PMM2: variants seen among roughly 807,000 people sequenced by gnomAD.
PMM2 encodes the protein mannose-6-phosphate isomerase.
Under a neutral mutation model 33.2 loss-of-function variants are expected in PMM2, and 35 were observed. That is an observed-to-expected ratio of 1.06 (90% CI 0.81 to 1.40). The LOEUF (loss-of-function observed/expected upper bound fraction) is 1.40, where lower values mean the gene tolerates loss of function less well. Ranked by LOEUF, PMM2 falls within the 40% of genes most tolerant of loss-of-function variation. The pLI is 0.00. For missense variants in PMM2, 386 were observed against 306.0 expected, an observed-to-expected ratio of 1.26 and a Z score of -1.95; for synonymous variants, 153 against 114.7, an observed-to-expected ratio of 1.33 and a Z score of -2.13.
chr16:8,832,379 C>T (rs926734942), intron 7 of PMM2: 1 of 985,290 alleles, frequency 1.0e-6, no homozygotes, highest in African/African-American at 1.7e-5. Flanking sequence ...GGAATTGATT[C>T]TCCAGACCTA....
intron 7 of PMM2, among the ~76,000 whole-genome samples, chr16:8,847,237 G>T (rs1020566390): frequency 2.0e-5 from 3 of 152,150 alleles, no homozygotes; most frequent in African/African-American, 7.2e-5. Flanking sequence ...CAAGTGTGCA[G>T]AGTGACACAT....
intron 7 of PMM2, among the ~76,000 whole-genome samples, chr16:8,843,422 TG>T (rs1398778439): frequency 1.3e-5 from 2 of 152,146 alleles, no homozygotes; most frequent in Non-Finnish European, 2.9e-5. Flanking sequence ...TGGGAGTGGC[TG>T]CCAGGTGAGT....
intron 7 of PMM2, among the ~76,000 whole-genome samples, chr16:8,835,874 T>TG (rs1019861652): frequency 1.3e-5 from 2 of 151,552 alleles, no homozygotes; most frequent in African/African-American, 4.9e-5. Flanking sequence ...GGGTTAAGGT[T>TG]GGGGGATACA....
chr16:8,826,850 C>G (rs1397638078), intron 7 of PMM2, among the ~76,000 whole-genome samples: 1 of 152,082 alleles, frequency 6.6e-6, no homozygotes, highest in Non-Finnish European at 1.5e-5. Context: ...ACCATCTATG[C>G]CATGCTTGGA....
At chr16:8,837,128 G>A (rs953096059) in intron 7 of PMM2, among the ~76,000 whole-genome samples, 3 of 151,926 alleles carry the variant, frequency 2.0e-5, no homozygotes, top group African/African-American at 7.2e-5. Context: ...TTGGGGTTGC[G>A]ACTGAGGGGA....
At chr16:8,815,305 C>T (rs1369450071) in intron 7 of PMM2, among the ~76,000 whole-genome samples, 3 of 151,714 alleles carry the variant, frequency 2.0e-5, no homozygotes, top group Middle Eastern at 3.2e-3. Flanking sequence ...CTGCAACCTC[C>T]ACCTCCCTGG....
chr16:8,833,561 A>G (rs28811076), intron 7 of PMM2, among the ~76,000 whole-genome samples: 69,094 of 149,752 alleles, frequency 0.46, 16,397 homozygotes, highest in African/African-American at 0.54. Flanking sequence ...GAGAGAATGG[A>G]CGATGTTTCT....
chr16:8,848,057 TCCCCACCCAC>T lies in PMM2; in HGVS notation c.*238_*247del. 1 of 541,380 alleles carries T rather than the reference TCCCCACCCAC, an allele frequency of 1.8e-6. No individual in the cohort carries two copies. The highest frequency in any genetic ancestry group is 3.3e-6 in the Non-Finnish European group (1 of 298,790). The allele number at this position is 541,380 out of a possible 1,614,324, so 33.5% of individuals were successfully genotyped here. A position where few individuals can be genotyped will look rare whatever the true frequency, so the allele number is the denominator to read the frequency against. On this transcript the variant is annotated 3_prime_UTR_variant, in exon 8 of 8. Transcript: ENST00000268261. ...GAGGAATGCCTCGCACAAAAGGTCT[TCCCCACCCAC>T]CCCCAGCCCCCTAGTCTAATACCCA... is the stretch of plus-strand genomic sequence containing the variant.
At chr16:8,805,512 A>C (rs1379709681) in intron 3 of PMM2, among the ~76,000 whole-genome samples, 4 of 152,146 alleles carry the variant, frequency 2.6e-5, no homozygotes. Flanking sequence ...GGCACATGCC[A>C]CCAAGCCTGG....
chr16:8,802,040 A>G (rs948886137), intron 2 of PMM2, 130 bp downstream of exon 2: 8 of 691,236 alleles, frequency 1.2e-5, no homozygotes, highest in African/African-American at 8.9e-5. Flanking sequence ...TTTTTGGGAA[A>G]CATTTTCTTG....
At chr16:8,820,883 T>C (rs1316671491) in intron 7 of PMM2, among the ~76,000 whole-genome samples, 1 of 152,210 alleles carries the variant, frequency 6.6e-6, no homozygotes, top group Non-Finnish European at 1.5e-5. Context: ...AGGGCCATCC[T>C]TGTGAGTGAG....
intron 7 of PMM2, among the ~76,000 whole-genome samples, chr16:8,839,144 G>A (rs1451192839): frequency 6.6e-6 from 1 of 151,978 alleles, no homozygotes; most frequent in Non-Finnish European, 1.5e-5. Context: ...GGAATTAGTG[G>A]AATGACTCTT....
intron 7 of PMM2, among the ~76,000 whole-genome samples, chr16:8,822,267 G>C (rs2060743131): frequency 6.6e-6 from 1 of 152,168 alleles, no homozygotes; most frequent in Admixed American, 6.5e-5. Flanking sequence ...TTACCTGTCT[G>C]TGTGGCATCA....
rs537194054 is a variant in PMM2, at chr16:8,825,760, T to TA, written c.639+12654_639+12655insA. Among the ~76,000 whole-genome samples the TA allele has an allele frequency of 8.2e-4, 123 of 150,058 alleles. 1 individual carries two copies. Among genetic ancestry groups the TA allele is most frequent in the African/African-American group, 2.9e-3 (120 of 40,924 alleles). ...AGTGTTCAAAAATAAAACACTATTT[T>TA]TTTTTTTTTTTTTGAGATGGAGTCT... is the stretch of plus-strand genomic sequence containing the variant. On this transcript the variant is annotated intron_variant, in intron 7 of 7. Transcript: ENST00000268261.
chr16:8,839,585 T>C (rs895533730), intron 7 of PMM2, among the ~76,000 whole-genome samples: 1 of 152,032 alleles, frequency 6.6e-6, no homozygotes, highest in African/African-American at 2.4e-5. Flanking sequence ...AAGGGGAAAG[T>C]AGCCAAGGAT....
chr16:8,834,464 A>G (rs557957059), intron 7 of PMM2, among the ~76,000 whole-genome samples: 5 of 151,752 alleles, frequency 3.3e-5, no homozygotes, highest in Non-Finnish European at 7.4e-5. Flanking sequence ...AAAGGCCTCT[A>G]CTTATCTAGT....
At chr16:8,801,138 C>G (rs917946184) in intron 1 of PMM2, among the ~76,000 whole-genome samples, 2 of 152,174 alleles carry the variant, frequency 1.3e-5, no homozygotes, top group Non-Finnish European at 2.9e-5. Context: ...AAACCAAAGT[C>G]CCTGCACAGG....
chr16:8,804,405 G>C (rs1363770016), intron 2 of PMM2, among the ~76,000 whole-genome samples: 5 of 152,212 alleles, frequency 3.3e-5, no homozygotes, highest in Admixed American at 1.3e-4. Flanking sequence ...CAGGAAGCGA[G>C]AGAGCAAAGC....
chr16:8,845,767 T>A (rs1300203404), intron 7 of PMM2, among the ~76,000 whole-genome samples: 2 of 151,420 alleles, frequency 1.3e-5, no homozygotes, highest in Non-Finnish European at 2.9e-5. Context: ...CTGTGACTTT[T>A]ACCCACTGTG....
Sources: gnomAD v4.1 joint callset for allele counts (sites outside exome capture counted in the v4.1 genomes callset) on GRCh38, gnomAD v4.1.1 for gene constraint, MANE v1.5 for transcripts, NCBI Gene and HGNC (gene_info 2026-07-23, HGNC 2026-07-21) for gene names.